LAP3: variants seen among roughly 807,000 people sequenced by gnomAD.
The protein encoded by LAP3 is cytosol aminopeptidase.
In LAP3, 46 loss-of-function variants were observed where a neutral mutation model predicts 58.8. The ratio of observed to expected loss-of-function variants is 0.78; its 90% CI spans 0.62 to 1.00. LAP3 has a LOEUF of 1.00. LAP3 is among the 50% of genes least tolerant of loss of function. The pLI is 0.00. For missense variants in LAP3, 615 were observed against 659.1 expected, an observed-to-expected ratio of 0.93 and a Z score of 0.73; for synonymous variants, 257 against 237.7, an observed-to-expected ratio of 1.08 and a Z score of -0.75.
chr4:17,606,323 G>GT (rs1452543285), intron 11 of LAP3, among the ~76,000 whole-genome samples: 5 of 152,062 alleles, frequency 3.3e-5, no homozygotes, highest in African/African-American at 7.2e-5. Context: ...AGCATTCCCG[G>GT]TTTCTTTTTA....
In LAP3 at chr4:17,605,400, G is replaced by A. The variant is rs147150636; in HGVS notation, c.1260+733G>A. Reference sequence around the variant, plus strand: ...TACTCTACACATTCCTCACATGGAAGCTCCAGCCAACACATGTTGCCTGAT... The same window carrying A: ...TACTCTACACATTCCTCACATGGAAACTCCAGCCAACACATGTTGCCTGAT... On this transcript the variant is annotated intron_variant, in intron 11 of 12. Coordinates refer to ENST00000226299, the MANE Select transcript of LAP3 (RefSeq NM_015907.3). Among the ~76,000 whole-genome samples, 97 of 152,290 alleles carry A rather than the reference G, an allele frequency of 6.4e-4. 1 individual carries two copies. The East Asian group carries it at 0.016, about 25-fold the overall frequency.
At chr4:17,589,539 A>C (rs1040339546) in intron 7 of LAP3, among the ~76,000 whole-genome samples, 3 of 152,240 alleles carry the variant, frequency 2.0e-5, no homozygotes, top group Non-Finnish European at 4.4e-5. Flanking sequence ...CAGGTAAAGA[A>C]ACCATGACTC....
At chr4:17,584,147 G>A (rs1284024955) in intron 5 of LAP3, among the ~76,000 whole-genome samples, 1 of 152,260 alleles carries the variant, frequency 6.6e-6, no homozygotes, top group Non-Finnish European at 1.5e-5. Context: ...ACTGGCCAAG[G>A]GTTGGCAGCT....
intron 10 of LAP3, among the ~76,000 whole-genome samples, chr4:17,600,917 G>A (rs1446676958): frequency 6.6e-6 from 1 of 152,162 alleles, no homozygotes; most frequent in Non-Finnish European, 1.5e-5. Context: ...GAAGGATGCC[G>A]TGAAGATTAA....
intron 4 of LAP3, among the ~76,000 whole-genome samples, chr4:17,582,904 A>C (rs978999906): frequency 6.6e-6 from 1 of 152,244 alleles, no homozygotes; most frequent in Non-Finnish European, 1.5e-5. Flanking sequence ...GCCATGATTA[A>C]AGATGCTTTG....
Position 17,598,455 on chromosome 4 carries a change from G to C in LAP3, c.1078-1G>C, listed in dbSNP as rs775990501. ...CCCTTTCTGTTTTTGACCCTCTGCA[G>C]GTTGATAACACTGATGCTGAGGGGA... On this transcript the variant is annotated splice_acceptor_variant, in intron 9 of 12. Transcript: ENST00000226299. LOFTEE classifies it high-confidence loss of function. The C allele has an allele frequency of 6.2e-7, 1 of 1,610,316 alleles. No homozygotes were observed. Among genetic ancestry groups the C allele is most frequent in the Non-Finnish European group, 8.5e-7 (1 of 1,176,564 alleles).
chr4:17,590,159 CA>C (rs1180075249), intron 7 of LAP3, among the ~76,000 whole-genome samples: 3 of 152,202 alleles, frequency 2.0e-5, no homozygotes, highest in Admixed American at 6.5e-5. Flanking sequence ...TGCTTAACTA[CA>C]GGACTTCTCA....
At chr4:17,588,053 G>A (rs1560343918) in intron 6 of LAP3, among the ~76,000 whole-genome samples, 1 of 151,872 alleles carries the variant, frequency 6.6e-6, no homozygotes, top group Non-Finnish European at 1.5e-5. Flanking sequence ...TTAAGAGACA[G>A]GGTGTTGCTA....
intron 10 of LAP3, among the ~76,000 whole-genome samples, chr4:17,603,813 C>CT (rs563546560): frequency 0.018 from 1,809 of 101,022 alleles, 33 homozygotes; most frequent in East Asian, 0.096. Flanking sequence ...TGCGCCTGGC[C>CT]TTTTTTTTTT....
chr4:17,593,609 G>GTATTTTT (rs1713753115), intron 7 of LAP3, among the ~76,000 whole-genome samples: 1 of 87,608 alleles, frequency 1.1e-5, no homozygotes, highest in African/African-American at 4.7e-5. Context: ...ATCTGCTTGG[G>GTATTTTT]TTTTTTTTTT....
At position 17,598,564 on chromosome 4, in the gene LAP3, A is replaced by G; in HGVS notation, c.1180+6A>G. 7 of 1,595,294 alleles carry G rather than the reference A, an allele frequency of 4.4e-6. No individual in the cohort carries two copies. Among genetic ancestry groups the G allele is most frequent in the Non-Finnish European group, 6.0e-6 (7 of 1,163,006 alleles). On this transcript the variant is annotated splice_donor_region_variant and intron_variant, in intron 10 of 12. Transcript: ENST00000226299. ...CAATGCCGCCACCTTAACAGGTCAG[A>G]CCGCGCACTTGCCTTGATTTTGTTT...
At position 17,588,913 on chromosome 4, in the gene LAP3, A is replaced by C; in HGVS notation, c.799A>C (p.Lys267Gln). The C allele has an allele frequency of 6.2e-7, 1 of 1,614,170 alleles. No individual in the cohort carries two copies. The highest frequency in any genetic ancestry group is 8.5e-7 in the Non-Finnish European group (1 of 1,180,046). ...EPPVFLEIHY[K>Q]GSPNANEPPL... ...CCCAGTCTTCTTGGAAATTCACTAC[A>C]AAGGCAGCCCCAATGCAAACGAACC... The change falls in exon 7 of 13, where the codon AAA becomes CAA. Residue 267 changes from lysine (K) to glutamine (Q), a missense_variant. Transcript: ENST00000226299.
intron 7 of LAP3, among the ~76,000 whole-genome samples, chr4:17,593,803 G>A (rs994428452): frequency 6.6e-6 from 1 of 151,542 alleles, no homozygotes; most frequent in Non-Finnish European, 1.5e-5. Flanking sequence ...TATAGAGATG[G>A]GGTTTTGCCG....
At chr4:17,579,796 TA>T in intron 1 of LAP3, 27 bp from the exon 2 acceptor site, 1 of 1,300,240 alleles carries the variant, frequency 7.7e-7, no homozygotes, top group Non-Finnish European at 1.1e-6. Context: ...CTAATTCTAT[TA>T]TATTTACGTT....
rs16895267 is a variant in LAP3, at chr4:17,594,838, A to G, written c.864-572A>G. 7.3e-3 allele frequency among the ~76,000 whole-genome samples: 1,113 copies of G among 152,272 alleles called. 40 individuals carry two copies. The highest frequency in any genetic ancestry group is 0.058 in the Admixed American group (879 of 15,286). On this transcript the variant is annotated intron_variant, in intron 7 of 12. Coordinates refer to ENST00000226299, the MANE Select transcript of LAP3 (RefSeq NM_015907.3). ...GCTCATCAGCTTTTCTTAACAGCTC[A>G]TGACCTTCACGTTCCATAAGTTGAT...
chr4:17,598,311 C>G, intron 9 of LAP3, 145 bp from the exon 10 acceptor site: 1 of 699,938 alleles, frequency 1.4e-6, no homozygotes, highest in Middle Eastern at 2.4e-4. Flanking sequence ...AGATATGTTC[C>G]TATTCTCATT....
intron 10 of LAP3, among the ~76,000 whole-genome samples, chr4:17,603,029 C>T (rs528981787): frequency 2.6e-5 from 4 of 151,452 alleles, no homozygotes; most frequent in African/African-American, 9.7e-5. Context: ...AGAACACAGC[C>T]AGGCGCGATG....
intron 10 of LAP3, among the ~76,000 whole-genome samples, chr4:17,602,645 C>A (rs982204365): frequency 6.6e-6 from 1 of 152,080 alleles, no homozygotes; most frequent in Non-Finnish European, 1.5e-5. Flanking sequence ...ACTATTTTTA[C>A]ATCATTAAAA....
intron 10 of LAP3, among the ~76,000 whole-genome samples, chr4:17,603,505 C>G (rs80059063): frequency 1.5e-5 from 2 of 137,046 alleles, no homozygotes; most frequent in Non-Finnish European, 3.2e-5. Context: ...AGCAAGAAAT[C>G]TTTTTTTTTT....
Sources: allele counts gnomAD v4.1 joint callset (sites outside exome capture counted in the v4.1 genomes callset), GRCh38; gene constraint gnomAD v4.1.1; transcripts MANE v1.5; gene names NCBI Gene and HGNC (gene_info 2026-07-23, HGNC 2026-07-21).